Variants in HS3ST4 observed in about 807,000 individuals in gnomAD.
HS3ST4 encodes the protein heparan sulfate glucosamine 3-O-sulfotransferase 4.
Under a neutral mutation model 29.2 loss-of-function variants are expected in HS3ST4, and 17 were observed. That is an observed-to-expected ratio of 0.58 (90% CI 0.40 to 0.87). The LOEUF is 0.87. Among genes scored for constraint, HS3ST4 ranks in the 40% least tolerant of loss-of-function variants. The pLI, the probability that HS3ST4 is intolerant of heterozygous loss-of-function variation, is 0.00. For missense variants in HS3ST4, 627 were observed against 634.5 expected (o/e 0.99, Z 0.13); for synonymous variants, 314 against 285.7 (o/e 1.10, Z -1.00).
chr16:25,856,205 G>T (rs796407709), intron 1 of HS3ST4, among the ~76,000 whole-genome samples: 3 of 152,150 alleles, frequency 2.0e-5, no homozygotes, highest in African/African-American at 7.2e-5. Flanking sequence ...TTTTGGCACA[G>T]AACTCCTAAA....
intron 1 of HS3ST4, among the ~76,000 whole-genome samples, chr16:25,887,993 G>A (rs536909754): frequency 1.6e-4 from 24 of 152,168 alleles, no homozygotes; most frequent in East Asian, 7.7e-4. Flanking sequence ...CACCGCGCCC[G>A]TCCCGCTACA....
chr16:26,050,715 A>C (rs1055605268), intron 1 of HS3ST4, among the ~76,000 whole-genome samples: 3 of 152,272 alleles, frequency 2.0e-5, no homozygotes, highest in African/African-American at 7.2e-5. Context: ...CAGCGGACAG[A>C]GGCATACCCC....
intron 1 of HS3ST4, among the ~76,000 whole-genome samples, chr16:26,070,642 C>T (rs993719005): frequency 2.0e-5 from 3 of 152,174 alleles, no homozygotes; most frequent in Non-Finnish European, 2.9e-5. Flanking sequence ...CCTGGATGAT[C>T]GTTCACCCTA....
chr16:25,833,352 C>T (rs771180874), intron 1 of HS3ST4, among the ~76,000 whole-genome samples: 1 of 152,072 alleles, frequency 6.6e-6, no homozygotes, highest in Non-Finnish European at 1.5e-5. Flanking sequence ...TTGGAGTCAA[C>T]CAAATCTGGA....
chr16:26,136,031 A>G lies in HS3ST4; in HGVS notation c.1154A>G (p.His385Arg). Reference protein sequence around the residue: ...LGLKRVVTEKHFYFNKTKGFP... With the variant: ...LGLKRVVTEKRFYFNKTKGFP... The stretch of plus-strand genomic sequence containing the variant: ...CTCAAACGTGTTGTGACTGAGAAGC[A>G]TTTCTATTTCAACAAAACCAAGGGG... Residue 385 changes from histidine (H) to arginine (R), a missense_variant, in exon 2 of 2, where the codon CAT (histidine) becomes CGT (arginine). By Grantham distance (29) the His-to-Arg change is conservative (BLOSUM62 0). Coordinates refer to ENST00000331351, the MANE Select transcript of HS3ST4 (RefSeq NM_006040.3). 1.9e-6 allele frequency: 3 copies of G among 1,613,962 alleles called. No homozygotes were observed. The highest frequency in any genetic ancestry group is 2.5e-6 in the Non-Finnish European group (3 of 1,179,870).
intron 1 of HS3ST4, among the ~76,000 whole-genome samples, chr16:25,706,506 A>G (rs530602400): frequency 6.6e-6 from 1 of 151,970 alleles, no homozygotes; most frequent in African/African-American, 2.4e-5. Context: ...TGCATTAGGT[A>G]TTTGTCCTAA....
intron 1 of HS3ST4, among the ~76,000 whole-genome samples, chr16:25,778,747 A>AAGAAGGAGGAGG (rs929898775): frequency 4.0e-5 from 6 of 151,844 alleles, no homozygotes; most frequent in African/African-American, 7.3e-5. Flanking sequence ...GAAGGAGGAG[A>AAGAAGGAGGAGG]AGAAGGAGGA....
At chr16:25,968,786 C>T (rs1968869214) in intron 1 of HS3ST4, among the ~76,000 whole-genome samples, 2 of 152,090 alleles carry the variant, frequency 1.3e-5, no homozygotes, top group African/African-American at 4.8e-5. Context: ...CAGTGGTAGT[C>T]AGTTACCATC....
chr16:25,970,886 T>G (rs1004849100), intron 1 of HS3ST4, among the ~76,000 whole-genome samples: 1 of 152,186 alleles, frequency 6.6e-6, no homozygotes, highest in African/African-American at 2.4e-5. Flanking sequence ...AGTCTCACTC[T>G]GTCGCTCAGG....
intron 1 of HS3ST4, among the ~76,000 whole-genome samples, chr16:26,080,616 C>T (rs1413776198): frequency 1.3e-5 from 2 of 152,112 alleles, no homozygotes; most frequent in Non-Finnish European, 2.9e-5. Flanking sequence ...TTGAGAAACT[C>T]AGGGAGACAC....
chr16:26,057,111 A>G (rs1898418237), intron 1 of HS3ST4, among the ~76,000 whole-genome samples: 3 of 152,182 alleles, frequency 2.0e-5, no homozygotes, highest in African/African-American at 7.2e-5. Flanking sequence ...CAGATTTCAG[A>G]TGCTCAGCCA....
chr16:25,866,816 G>T (rs951890570), intron 1 of HS3ST4, among the ~76,000 whole-genome samples: 2 of 151,300 alleles, frequency 1.3e-5, no homozygotes, highest in African/African-American at 2.4e-5. Context: ...AGAACTTAAA[G>T]TAAAATAAAT....
chr16:26,044,285 A>G (rs901371646), intron 1 of HS3ST4, among the ~76,000 whole-genome samples: 1 of 152,226 alleles, frequency 6.6e-6, no homozygotes, highest in Non-Finnish European at 1.5e-5. Flanking sequence ...CCAAGGGACC[A>G]TTGCGCAGGA....
chr16:25,915,242 C>T (rs1335263239), intron 1 of HS3ST4, among the ~76,000 whole-genome samples: 1 of 152,144 alleles, frequency 6.6e-6, no homozygotes, highest in Non-Finnish European at 1.5e-5. Context: ...CCCCAAGACT[C>T]CGGGCGTGGG....
At chr16:25,729,472 T>G (rs1966557224) in intron 1 of HS3ST4, among the ~76,000 whole-genome samples, 1 of 152,198 alleles carries the variant, frequency 6.6e-6, no homozygotes, top group African/African-American at 2.4e-5. Flanking sequence ...CATCCTCTTT[T>G]GATGACGTGT....
intron 1 of HS3ST4, among the ~76,000 whole-genome samples, chr16:25,738,122 T>C (rs1404151642): frequency 6.6e-6 from 1 of 152,068 alleles, no homozygotes; most frequent in Non-Finnish European, 1.5e-5. Context: ...GCCAGGATGG[T>C]CTCGATTTCC....
At chr16:25,820,844 T>C (rs1967147189) in intron 1 of HS3ST4, among the ~76,000 whole-genome samples, 1 of 152,028 alleles carries the variant, frequency 6.6e-6, no homozygotes, top group Admixed American at 6.6e-5. Context: ...GCGTTGAGAT[T>C]ACAGGCATGA....
At chr16:25,774,459 T>C (rs1966845687) in intron 1 of HS3ST4, among the ~76,000 whole-genome samples, 1 of 152,250 alleles carries the variant, frequency 6.6e-6, no homozygotes, top group African/African-American at 2.4e-5. Flanking sequence ...GTCTTCTGCC[T>C]TCAAGAAGCA....
intron 1 of HS3ST4, among the ~76,000 whole-genome samples, chr16:25,712,933 G>T (rs1336455810): frequency 2.0e-5 from 3 of 152,138 alleles, no homozygotes; most frequent in Non-Finnish European, 4.4e-5. Flanking sequence ...CTTGCAGACG[G>T]CTCTATTCTC....
Sources: gnomAD v4.1 joint callset for allele counts (sites outside exome capture counted in the v4.1 genomes callset) on GRCh38, gnomAD v4.1.1 for gene constraint, MANE v1.5 for transcripts, NCBI Gene and HGNC (gene_info 2026-07-23, HGNC 2026-07-21) for gene names.